Variants in TENM4 observed in about 807,000 individuals in gnomAD.
The protein encoded by TENM4 is teneurin-4.
Under a neutral mutation model 243.3 loss-of-function variants are expected in TENM4, and 82 were observed. The observed-to-expected ratio is 0.34, with a 90% CI of 0.28 to 0.40. The LOEUF (loss-of-function observed/expected upper bound fraction) is 0.40. Ranked by LOEUF, TENM4 falls within the 10% of genes least tolerant of loss-of-function variation. The pLI is 1.00. For synonymous variants in TENM4, 1,412 were observed against 1,456.3 expected (o/e 0.97, Z 0.69); for missense variants, 3,138 against 3,673.3 (o/e 0.85, Z 3.77).
rs140147931 is a variant in TENM4, at chr11:78,895,359, C to A, written c.750-4023G>T. ...CTCCAAAAAAAAAAAAAAGAAAAAA[C>A]GAAATAGTCTTGTTCTGTACTTTTA... On this transcript the variant is annotated intron_variant, in intron 7 of 33. Coordinates refer to ENST00000278550, the MANE Select transcript of TENM4 (RefSeq NM_001098816.3). Among the ~76,000 whole-genome samples, 1,030 of 151,212 alleles carry A rather than the reference C, an allele frequency of 6.8e-3. 4 individuals are homozygous for A. Among genetic ancestry groups the A allele is most frequent in the Middle Eastern group, 0.02 (6 of 294 alleles).
chr11:78,783,900 G>A (rs898426130), intron 16 of TENM4, among the ~76,000 whole-genome samples: 1 of 152,176 alleles, frequency 6.6e-6, no homozygotes, highest in Non-Finnish European at 1.5e-5. Flanking sequence ...TAACGCTGGG[G>A]ACTTGGCCAT....
chr11:79,319,116 A>G (rs1181291961), intron 1 of TENM4, among the ~76,000 whole-genome samples: 1 of 152,230 alleles, frequency 6.6e-6, no homozygotes, highest in Admixed American at 6.5e-5. Flanking sequence ...CCCATTTTAC[A>G]GATGAAGAAA....
At chr11:78,826,865 T>C (rs936858728) in intron 12 of TENM4, among the ~76,000 whole-genome samples, 5 of 152,204 alleles carry the variant, frequency 3.3e-5, no homozygotes, top group Non-Finnish European at 7.3e-5. Context: ...TCTCTTCTCA[T>C]TTAGGGCAGG....
intron 19 of TENM4, among the ~76,000 whole-genome samples, chr11:78,745,227 CTTTT>C (rs1783943): frequency 7.8e-6 from 1 of 128,056 alleles, no homozygotes; most frequent in Admixed American, 7.8e-5. Flanking sequence ...TTTTCTTTTT[CTTTT>C]TTTTTTTTTT....
intron 6 of TENM4, among the ~76,000 whole-genome samples, chr11:78,980,207 T>C (rs912220109): frequency 6.6e-6 from 1 of 152,244 alleles, no homozygotes; most frequent in Non-Finnish European, 1.5e-5. Flanking sequence ...ATAATTGTTG[T>C]TACTATTGAT....
intron 1 of TENM4, among the ~76,000 whole-genome samples, chr11:79,409,057 A>ATT (rs1354483509): frequency 2.6e-4 from 36 of 137,980 alleles, no homozygotes; most frequent in East Asian, 8.5e-4. Flanking sequence ...TATGAGGGAT[A>ATT]TTTTGTGTGT....
chr11:78,725,517 C>T (rs1406661594), intron 23 of TENM4, among the ~76,000 whole-genome samples: 1 of 152,206 alleles, frequency 6.6e-6, no homozygotes, highest in Non-Finnish European at 1.5e-5. Flanking sequence ...ACCCTGGGTT[C>T]CAGCTGCTCA....
In TENM4 at chr11:79,018,441, C is replaced by G. The variant is rs144360695; in HGVS notation, c.493+46297G>C. Reference sequence around the variant, plus strand: ...GTCCACTATCTCCAGAACCTCCACTCTCACACACATGCACACACACACACA... The same window carrying G: ...GTCCACTATCTCCAGAACCTCCACTGTCACACACATGCACACACACACACA... On this transcript the variant is annotated intron_variant, in intron 6 of 33. Transcript: ENST00000278550. Among the ~76,000 whole-genome samples the G allele has an allele frequency of 8.2e-3, 1,245 of 152,244 alleles. 17 individuals carry two copies. The highest frequency in any genetic ancestry group is 0.028 in the African/African-American group (1,157 of 41,528).
chr11:79,211,308 T>C (rs1213468791), intron 3 of TENM4, among the ~76,000 whole-genome samples: 1 of 152,202 alleles, frequency 6.6e-6, no homozygotes, highest in African/African-American at 2.4e-5. Flanking sequence ...GTACTGAGAC[T>C]GTTCCCACTT....
chr11:78,840,585 A>C (rs1858235740), intron 12 of TENM4, among the ~76,000 whole-genome samples: 1 of 152,172 alleles, frequency 6.6e-6, no homozygotes, highest in Non-Finnish European at 1.5e-5. Flanking sequence ...AACCTCCCTC[A>C]AATTTGCCAT....
intron 4 of TENM4, among the ~76,000 whole-genome samples, chr11:79,127,649 C>A (rs533443357): frequency 5.9e-5 from 9 of 152,312 alleles, no homozygotes; most frequent in South Asian, 2.1e-4. Flanking sequence ...TTCGGGGAGA[C>A]CTTGATCACT....
intron 2 of TENM4, among the ~76,000 whole-genome samples, chr11:79,271,517 G>T (rs1294621612): frequency 6.6e-6 from 1 of 152,174 alleles, no homozygotes; most frequent in Non-Finnish European, 1.5e-5. Context: ...GGCCACAGTG[G>T]GTAAACAGTC....
intron 6 of TENM4, among the ~76,000 whole-genome samples, chr11:78,991,982 G>A (rs996627409): frequency 2.0e-5 from 3 of 152,172 alleles, no homozygotes; most frequent in African/African-American, 7.2e-5. Flanking sequence ...AAGCTATAAG[G>A]CTGGGACAAC....
intron 1 of TENM4, among the ~76,000 whole-genome samples, chr11:79,334,080 G>A (rs528252537): frequency 6.6e-6 from 1 of 152,358 alleles, no homozygotes; most frequent in African/African-American, 2.4e-5. Context: ...ACCGAGCATG[G>A]CAAACATCAT....
intron 4 of TENM4, among the ~76,000 whole-genome samples, chr11:79,075,845 C>T (rs1860524415): frequency 6.6e-6 from 1 of 152,170 alleles, no homozygotes; most frequent in Admixed American, 6.5e-5. Context: ...CACAAAGGTG[C>T]CTTAGAGAAG....
intron 8 of TENM4, among the ~76,000 whole-genome samples, chr11:78,890,324 C>T (rs760569287): frequency 7.9e-5 from 12 of 152,190 alleles, no homozygotes; most frequent in Non-Finnish European, 1.8e-4. Flanking sequence ...AGATCCTTTT[C>T]CTGGGAACGG....
At chr11:79,302,762 T>C (rs1361266132) in intron 1 of TENM4, among the ~76,000 whole-genome samples, 1 of 152,182 alleles carries the variant, frequency 6.6e-6, no homozygotes, top group Non-Finnish European at 1.5e-5. Context: ...CACTTTCCTA[T>C]AGGGTCTCCA....
At chr11:78,785,999 A>G (rs1276603594) in intron 16 of TENM4, among the ~76,000 whole-genome samples, 1 of 152,116 alleles carries the variant, frequency 6.6e-6, no homozygotes, top group Non-Finnish European at 1.5e-5. Context: ...AAAACAAAAA[A>G]CAAAAACGGA....
At chr11:79,066,228 T>C (rs1438853878) in intron 5 of TENM4, among the ~76,000 whole-genome samples, 2 of 151,992 alleles carry the variant, frequency 1.3e-5, no homozygotes, top group African/African-American at 2.4e-5. Context: ...AGGTGGGATA[T>C]TGGGGTGAGG....
Sources: gnomAD v4.1 joint callset for allele counts (sites outside exome capture counted in the v4.1 genomes callset) on GRCh38, gnomAD v4.1.1 for gene constraint, MANE v1.5 for transcripts, NCBI Gene and HGNC (gene_info 2026-07-23, HGNC 2026-07-21) for gene names.